The following PACS1 variants were observed in gnomAD, a reference collection of about 807,000 sequenced individuals.
PACS1 encodes PACS-1.
Under a neutral mutation model 115.0 loss-of-function variants are expected in PACS1, and 24 were observed. The observed-to-expected ratio is 0.21, with a 90% CI of 0.15 to 0.29. The LOEUF is 0.29. PACS1 is among the 10% of genes least tolerant of loss of function. The pLI is 1.00. For synonymous variants in PACS1, 453 were observed against 504.5 expected (o/e 0.90, Z 1.37); for missense variants, 838 against 1,251.2 (o/e 0.67, Z 4.98).
intron 1 of PACS1, among the ~76,000 whole-genome samples, chr11:66,179,884 C>T (rs562839971): frequency 1.3e-5 from 2 of 152,256 alleles, no homozygotes; most frequent in South Asian, 2.1e-4. Context: ...CAGAGTCTCC[C>T]TCTTTTGCCC....
chr11:66,079,815 C>T (rs187332633), intron 1 of PACS1, among the ~76,000 whole-genome samples: 5 of 152,332 alleles, frequency 3.3e-5, no homozygotes, highest in East Asian at 3.9e-4. Context: ...AGATGCTAAA[C>T]GATGCAGCCC....
intron 4 of PACS1, among the ~76,000 whole-genome samples, chr11:66,214,032 CAAAAAAA>C (rs71036278): frequency 4.7e-5 from 2 of 42,984 alleles, no homozygotes; most frequent in Non-Finnish European, 7.5e-5. Flanking sequence ...GACTCCATCT[CAAAAAAA>C]AAAAAAAAAA....
intron 2 of PACS1, among the ~76,000 whole-genome samples, chr11:66,197,008 T>C (rs1253368128): frequency 2.0e-5 from 3 of 152,242 alleles, no homozygotes; most frequent in South Asian, 2.1e-4. Context: ...TCAGAAGTGA[T>C]ATTAAACATT....
In PACS1 at chr11:66,227,440, AG is replaced by A. The variant is rs1855490209; in HGVS notation, c.1294-63del. The A allele has an allele frequency of 1.3e-5, 12 of 908,740 alleles. No individual in the cohort carries two copies. The South Asian group carries it at 1.7e-4, about 13-fold the overall frequency. The allele number at this position is 908,740 out of a possible 1,614,324, so 56.3% of individuals were successfully genotyped here. ...AGTATTTTAAGCTTCATAGGGACCT[AG>A]TAAAACAAATTAAAGTGGTAGTTAT... On this transcript the variant is annotated intron_variant, in intron 10 of 23. Transcript: ENST00000320580.
intron 1 of PACS1, among the ~76,000 whole-genome samples, chr11:66,112,391 T>C (rs1004836020): frequency 6.6e-6 from 1 of 152,246 alleles, no homozygotes; most frequent in Non-Finnish European, 1.5e-5. Flanking sequence ...AATGCTTGGA[T>C]GTCAGAAGGT....
chr11:66,087,607 G>A (rs1857594732), intron 1 of PACS1, among the ~76,000 whole-genome samples: 1 of 152,240 alleles, frequency 6.6e-6, no homozygotes, highest in Non-Finnish European at 1.5e-5. Context: ...GCATGGAGTT[G>A]TAGTGAATGT....
intron 1 of PACS1, among the ~76,000 whole-genome samples, chr11:66,142,369 A>G (rs1859012589): frequency 6.6e-6 from 1 of 152,036 alleles, no homozygotes; most frequent in African/African-American, 2.4e-5. Context: ...CCCAGGCTGG[A>G]GTGCAATGCC....
At position 66,235,880 on chromosome 11, in the gene PACS1, T is replaced by C. The variant is rs768470474; in HGVS notation, c.2208-18T>C. On this transcript the variant is annotated intron_variant, in intron 18 of 23. Coordinates refer to ENST00000320580, the MANE Select transcript of PACS1 (RefSeq NM_018026.4). This position sits in a 1 kb window ranked among gnomAD's most constrained non-coding sequence, Gnocchi z 5.6. ...GTCTCTCCTACTAACTATGAAGCTC[T>C]CCTGTGTCTCCCAACAGCCCTGATG... The C allele has an allele frequency of 1.1e-5, 17 of 1,610,572 alleles. No individual in the cohort carries two copies. The Admixed American group carries it at 1.8e-4, about 17-fold the overall frequency.
chr11:66,130,294 G>A (rs1858671340), intron 1 of PACS1, among the ~76,000 whole-genome samples: 1 of 151,968 alleles, frequency 6.6e-6, no homozygotes, highest in African/African-American at 2.4e-5. Context: ...TTCCTTACCT[G>A]GTAAGTCAAA....
intron 1 of PACS1, among the ~76,000 whole-genome samples, chr11:66,187,127 G>T (rs772540417): frequency 2.0e-4 from 31 of 152,120 alleles, no homozygotes; most frequent in Non-Finnish European, 4.0e-4. Flanking sequence ...TGGGTGTGTT[G>T]TTTCCAGTAT....
At chr11:66,136,509 T>A (rs527858882) in intron 1 of PACS1, among the ~76,000 whole-genome samples, 6 of 152,266 alleles carry the variant, frequency 3.9e-5, no homozygotes, top group Non-Finnish European at 8.8e-5. Context: ...TATGGAGCTG[T>A]GATAGCCCAT....
intron 1 of PACS1, among the ~76,000 whole-genome samples, chr11:66,123,483 C>T (rs1187834186): frequency 2.0e-5 from 3 of 151,966 alleles, no homozygotes; most frequent in Non-Finnish European, 2.9e-5. Flanking sequence ...TGAGCCACCA[C>T]GCCTGGCTCA....
chr11:66,181,105 A>G (rs907549738), intron 1 of PACS1, among the ~76,000 whole-genome samples: 3 of 152,052 alleles, frequency 2.0e-5, no homozygotes, highest in Non-Finnish European at 4.4e-5. Context: ...GATGCTAATT[A>G]TACACAAATA....
chr11:66,217,358 C>CAT (rs1276970746), intron 7 of PACS1: 1 of 335,810 alleles, frequency 3.0e-6, no homozygotes, highest in Admixed American at 4.1e-5. Flanking sequence ...GAGTCCTGAA[C>CAT]TAAGAAGCTA....
intron 11 of PACS1, among the ~76,000 whole-genome samples, chr11:66,228,442 T>A (rs924358554): frequency 1.3e-5 from 2 of 152,238 alleles, no homozygotes; most frequent in African/African-American, 4.8e-5. Context: ...TGAAACTCAC[T>A]ACCCTAACTT....
chr11:66,192,918 A>G (rs1286653656), intron 1 of PACS1, among the ~76,000 whole-genome samples: 2 of 152,226 alleles, frequency 1.3e-5, no homozygotes, highest in African/African-American at 4.8e-5. Context: ...TGCAGCTGAA[A>G]TAGAATTTGT....
intron 1 of PACS1, among the ~76,000 whole-genome samples, chr11:66,088,238 C>T (rs1857605508): frequency 6.6e-6 from 1 of 151,916 alleles, no homozygotes; most frequent in Admixed American, 6.6e-5. Context: ...TGGTGTCTTT[C>T]AATGAACAGA....
At chr11:66,173,104 GT>G (rs1486225321) in intron 1 of PACS1, among the ~76,000 whole-genome samples, 1 of 113,978 alleles carries the variant, frequency 8.8e-6, no homozygotes, top group Non-Finnish European at 1.9e-5. Flanking sequence ...TTTTTTTTTT[GT>G]TTTTTTTTGT....
intron 1 of PACS1, among the ~76,000 whole-genome samples, chr11:66,157,239 A>C (rs1178452907): frequency 1.3e-5 from 2 of 152,242 alleles, no homozygotes. Context: ...TAAAAAAGTT[A>C]CAAATCTATA....
Sources: gnomAD v4.1 joint callset for allele counts (sites outside exome capture counted in the v4.1 genomes callset) on GRCh38, gnomAD v4.1.1 for gene constraint, Gnocchi (gnomAD v3.1) non-coding constraint, MANE v1.5 for transcripts, NCBI Gene and HGNC (gene_info 2026-07-23, HGNC 2026-07-21) for gene names.